The following MAP3K5 variants were observed in gnomAD, a reference collection of about 807,000 sequenced individuals.
MAP3K5 encodes mitogen-activated protein kinase kinase kinase 5, also known as ASK-1.
Under a neutral mutation model 158.7 loss-of-function variants are expected in MAP3K5, and 56 were observed. The ratio of observed to expected loss-of-function variants is 0.35; its 90% CI spans 0.28 to 0.44. The LOEUF is 0.44. Among genes scored for constraint, MAP3K5 ranks in the 20% least tolerant of loss-of-function variants. MAP3K5 has a pLI of 1.00. For synonymous variants in MAP3K5, 579 were observed against 601.7 expected, an observed-to-expected ratio of 0.96 and a Z score of 0.55; for missense variants, 1,294 against 1,674.8, an observed-to-expected ratio of 0.77 and a Z score of 3.97.
At chr6:136,732,424 C>CAAACA (rs560796429) in intron 1 of MAP3K5, among the ~76,000 whole-genome samples, 1 of 151,922 alleles carries the variant, frequency 6.6e-6, no homozygotes, top group Non-Finnish European at 1.5e-5. Context: ...GGCTCCGTCT[C>CAAACA]AAACAAAACA....
In MAP3K5 at chr6:136,592,630, G is replaced by A; in HGVS notation, c.2879-16C>T. ...CTGAGATATTCTGCTTGTGATGAGAGGAGGGAAAAGATAATTGACACTTTA... is the reference window on the plus strand; with the variant it reads ...CTGAGATATTCTGCTTGTGATGAGAAGAGGGAAAAGATAATTGACACTTTA... On this transcript the variant is annotated splice_polypyrimidine_tract_variant and intron_variant, in intron 21 of 29. Transcript: ENST00000359015. 6.2e-7 allele frequency: 1 copy of A among 1,607,738 alleles called. No individual in the cohort carries two copies. The highest frequency in any genetic ancestry group is 8.5e-7 in the Non-Finnish European group (1 of 1,174,920).
chr6:136,651,086 T>A lies in MAP3K5; in HGVS notation c.1686A>T (p.Leu562Phe). Residue 562 changes from leucine to phenylalanine, a missense_variant, in exon 11 of 30, where the codon TTA (leucine) becomes TTT (phenylalanine). By Grantham distance (22) the Leu-to-Phe change is conservative. Coordinates refer to ENST00000359015, the MANE Select transcript of MAP3K5 (RefSeq NM_005923.4). ...GATAGATTTTGGTTGGTTCTAATAT[T>A]AATACCTTGAAAAGATACGGCAAAG... ...TDVTVVRFPV[L>F]ILEPTKIYQP... is the part of the protein sequence containing the mutation. 6.5e-7 allele frequency: 1 copy of A among 1,547,454 alleles called. No individual in the cohort carries two copies. The highest frequency in any genetic ancestry group is 8.9e-7 in the Non-Finnish European group (1 of 1,122,014).
rs12055684 is a variant in MAP3K5 at position 136,609,247 on chromosome 6, A to G, written c.2521+2035T>C. 0.011 allele frequency among the ~76,000 whole-genome samples: 1,746 copies of G among 152,328 alleles called. 28 individuals carry two copies. Among genetic ancestry groups the G allele is most frequent in the East Asian group, 0.082 (424 of 5,176 alleles). On this transcript the variant is annotated intron_variant, in intron 18 of 29. Transcript: ENST00000359015. The surrounding 1 kb of genome is among the most constrained non-coding windows in gnomAD (Gnocchi z 4.4). ...TGCCAAGTTAAGAGTAAGAGGAAAG[A>G]AATGTAAAGACATTTGAAGTTATTA... is the stretch of plus-strand genomic sequence containing the variant.
chr6:136,609,043 C>A lies in MAP3K5; in HGVS notation c.2521+2239G>T, dbSNP rs1222436159. On this transcript the variant is annotated intron_variant, in intron 18 of 29. Coordinates refer to ENST00000359015, the MANE Select transcript of MAP3K5 (RefSeq NM_005923.4). This position sits in a 1 kb window ranked among gnomAD's most constrained non-coding sequence, Gnocchi z 4.4. ...TTACGTGACACCAGTGGAAGAGGTCCAAGAAAAGGGCTCTGTGAGGACTGC... is the reference window on the plus strand; with the variant it reads ...TTACGTGACACCAGTGGAAGAGGTCAAAGAAAAGGGCTCTGTGAGGACTGC... Among the ~76,000 whole-genome samples the A allele has an allele frequency of 1.3e-5, 2 of 152,100 alleles. No individual in the cohort carries two copies. The highest frequency in any genetic ancestry group is 2.9e-5 in the Non-Finnish European group (2 of 68,014).
intron 1 of MAP3K5, among the ~76,000 whole-genome samples, chr6:136,758,697 G>C (rs1783610196): frequency 6.6e-6 from 1 of 152,208 alleles, no homozygotes; most frequent in African/African-American, 2.4e-5. Context: ...CATAAGTGAA[G>C]ACTCTGTTTA....
chr6:136,600,187 ATTTT>A (rs907571176), intron 21 of MAP3K5, among the ~76,000 whole-genome samples: 3 of 132,714 alleles, frequency 2.3e-5, no homozygotes, highest in Non-Finnish European at 1.6e-5. Flanking sequence ...CATGCTGTTA[ATTTT>A]TTTTTTTTTT....
At chr6:136,688,128 A>C (rs187075878) in intron 7 of MAP3K5, among the ~76,000 whole-genome samples, 1 of 152,222 alleles carries the variant, frequency 6.6e-6, no homozygotes, top group Admixed American at 6.5e-5. Flanking sequence ...AGGTACATGG[A>C]TGAAGCTGGA....
intron 12 of MAP3K5, 118 bp from the exon 13 acceptor site, chr6:136,639,756 G>T: frequency 1.7e-6 from 1 of 597,952 alleles, no homozygotes; most frequent in Non-Finnish European, 3.0e-6. Context: ...TTTATAACAA[G>T]AAGTTATAAA....
At chr6:136,637,290 G>T in intron 14 of MAP3K5, 35 bp downstream of exon 14, 1 of 1,505,366 alleles carries the variant, frequency 6.6e-7, no homozygotes, top group Non-Finnish European at 9.3e-7. Flanking sequence ...GTTTTAAAAT[G>T]AGCTCTAAAT....
At chr6:136,567,958 C>T (rs1774193409) in intron 25 of MAP3K5, 84 bp from the exon 26 acceptor site, 1 of 1,389,744 alleles carries the variant, frequency 7.2e-7, no homozygotes, top group East Asian at 2.3e-5. Flanking sequence ...TACCCTCCTG[C>T]CCCACCGTCA....
intron 23 of MAP3K5, among the ~76,000 whole-genome samples, chr6:136,588,478 AGC>A (rs1263715386): frequency 6.6e-6 from 1 of 152,226 alleles, no homozygotes; most frequent in African/African-American, 2.4e-5. Flanking sequence ...AGAAAATGTT[AGC>A]TGTTATTACT....
chr6:136,785,920 T>C (rs990952320), intron 1 of MAP3K5, among the ~76,000 whole-genome samples: 2 of 152,206 alleles, frequency 1.3e-5, no homozygotes, highest in Non-Finnish European at 2.9e-5. Flanking sequence ...TCTTACAGGC[T>C]AGTCCCAGAA....
At chr6:136,610,415 C>T (rs1283809345) in intron 18 of MAP3K5, among the ~76,000 whole-genome samples, 2 of 151,908 alleles carry the variant, frequency 1.3e-5, no homozygotes, top group Non-Finnish European at 2.9e-5. Context: ...TCTCTCCCTC[C>T]CTTCTTCTGA....
upstream of MAP3K5, among the ~76,000 whole-genome samples, chr6:136,792,996 T>A (rs753064664): frequency 6.6e-6 from 1 of 152,118 alleles, no homozygotes; most frequent in Non-Finnish European, 1.5e-5. This position sits in a 1 kb window ranked among gnomAD's most constrained non-coding sequence, Gnocchi z 5.7. Context: ...GCGCGTGGCA[T>A]AGGGTCCCAG....
rs764542733 is a variant in MAP3K5 at position 136,592,529 on chromosome 6, G to T, written c.2964C>A (p.Asp988Glu). The T allele has an allele frequency of 6.2e-7, 1 of 1,610,220 alleles. No homozygotes were observed. Among genetic ancestry groups the T allele is most frequent in the South Asian group, 1.1e-5 (1 of 91,038 alleles). The change falls in exon 22 of 30, where the codon GAC becomes GAA. Residue 988 changes from aspartate (D) to glutamate (E), a missense_variant. Around this residue, in one of 5 missense-constraint regions of MAP3K5, gnomAD observed 362 missense variants for 463.2 expected, o/e 0.78. Transcript: ENST00000359015. The stretch of plus-strand genomic sequence containing the variant: ...AGAAGGGGTCCACTTTCAACTCCGT[G>T]TCGGGTGAAACTGAGCCGTACTCAC... ...SSSEYGSVSP[D>E]TELKVDPFSF...
At chr6:136,620,622 C>T (rs1214396414) in intron 15 of MAP3K5, among the ~76,000 whole-genome samples, 6 of 152,236 alleles carry the variant, frequency 3.9e-5, no homozygotes, top group Admixed American at 3.9e-4. Flanking sequence ...CCAGAGTCAG[C>T]CCATGATGTA....
At chr6:136,624,532 A>G (rs1456484650) in intron 14 of MAP3K5, among the ~76,000 whole-genome samples, 1 of 152,222 alleles carries the variant, frequency 6.6e-6, no homozygotes, top group Non-Finnish European at 1.5e-5. Context: ...AATATATTAT[A>G]ACTGATTACA....
chr6:136,557,832 C>T lies in MAP3K5; in HGVS notation c.4065-14G>A. 6.3e-7 allele frequency: 1 copy of T among 1,584,694 alleles called. No individual in the cohort carries two copies. Among genetic ancestry groups the T allele is most frequent in the South Asian group, 1.1e-5 (1 of 90,462 alleles). On this transcript the variant is annotated splice_polypyrimidine_tract_variant and intron_variant, in intron 29 of 29. Coordinates refer to ENST00000359015, the MANE Select transcript of MAP3K5 (RefSeq NM_005923.4). ...AGCATCCCTCCCCTGTTTAAAGACA[C>T]AAGAACATGGTGAAACGAACATTTC...
chr6:136,718,405 T>C (rs769170214), intron 2 of MAP3K5, among the ~76,000 whole-genome samples: 4 of 152,304 alleles, frequency 2.6e-5, no homozygotes, highest in East Asian at 1.9e-4. Context: ...TTTCACCACG[T>C]TGGCCAGGCT....
Sources: allele counts gnomAD v4.1 joint callset (sites outside exome capture counted in the v4.1 genomes callset), GRCh38; gene constraint gnomAD v4.1.1; regional missense constraint gnomAD v4.1.1; non-coding constraint Gnocchi (gnomAD v3.1); transcripts MANE v1.5; gene names NCBI Gene and HGNC (gene_info 2026-07-23, HGNC 2026-07-21).